Variants in UNC13C observed in about 807,000 individuals in gnomAD.
UNC13C encodes the protein protein unc-13 homolog C.
A neutral mutation model predicts 245.4 loss-of-function variants in UNC13C; 174 were observed. The observed-to-expected ratio is 0.71, with a 90% CI of 0.63 to 0.80. The LOEUF is 0.80. UNC13C is among the 30% of genes least tolerant of loss of function. The pLI is 0.00. For missense variants in UNC13C, 2,829 were observed against 2,602.9 expected, an observed-to-expected ratio of 1.09 and a Z score of -1.89; for synonymous variants, 992 against 895.1, an observed-to-expected ratio of 1.11 and a Z score of -1.93.
At chr15:54,142,670 T>C (rs914724037) in intron 2 of UNC13C, among the ~76,000 whole-genome samples, 3 of 152,184 alleles carry the variant, frequency 2.0e-5, no homozygotes, top group African/African-American at 4.8e-5. Flanking sequence ...GGCTCTTGAC[T>C]CCAAAGAGTT....
chr15:54,551,448 C>A (rs1447412604), intron 28 of UNC13C, among the ~76,000 whole-genome samples: 1 of 152,038 alleles, frequency 6.6e-6, no homozygotes, highest in Admixed American at 6.6e-5. Context: ...GGTTTGGGTA[C>A]AACCCAATCC....
chr15:54,495,644 T>C (rs1168315895), intron 20 of UNC13C, among the ~76,000 whole-genome samples: 1 of 152,048 alleles, frequency 6.6e-6, no homozygotes, highest in Non-Finnish European at 1.5e-5. Context: ...CATATTTCCA[T>C]TTTTATAAAA....
chr15:54,470,585 AAT>A (rs1280062888), intron 19 of UNC13C, among the ~76,000 whole-genome samples: 3 of 148,216 alleles, frequency 2.0e-5, no homozygotes, highest in African/African-American at 7.5e-5. Flanking sequence ...TATCAGCTGT[AAT>A]ATCTCTTTTT....
intron 2 of UNC13C, among the ~76,000 whole-genome samples, chr15:54,075,469 AGCTTGCAGTGAGCCGG>A (rs1163843182): frequency 0.026 from 3,578 of 139,554 alleles, 250 homozygotes; most frequent in African/African-American, 0.082. Flanking sequence ...AGTGAGCCGG[AGCTTGCAGTGAGCCGG>A]AGCTTGCAGT....
At chr15:54,145,523 G>A (rs2032216888) in intron 4 of UNC13C, among the ~76,000 whole-genome samples, 1 of 152,046 alleles carries the variant, frequency 6.6e-6, no homozygotes, top group Non-Finnish European at 1.5e-5. Flanking sequence ...AAGCAGCTGT[G>A]GTGAAAGATC....
intron 4 of UNC13C, among the ~76,000 whole-genome samples, chr15:54,222,781 A>AT: frequency 6.6e-6 from 1 of 151,966 alleles, no homozygotes; most frequent in South Asian, 2.1e-4. Flanking sequence ...GATAAAAGCC[A>AT]TTTTTTACTG....
At chr15:54,598,608 G>T (rs58408360) in intron 30 of UNC13C, among the ~76,000 whole-genome samples, 5,368 of 152,264 alleles carry the variant, frequency 0.035, 302 homozygotes, top group African/African-American at 0.12. Flanking sequence ...AATGCAATTT[G>T]TATTGATTTA....
At chr15:54,184,050 A>G (rs1390829225) in intron 4 of UNC13C, among the ~76,000 whole-genome samples, 2 of 152,068 alleles carry the variant, frequency 1.3e-5, no homozygotes, top group African/African-American at 4.8e-5. Flanking sequence ...TTTGTTTAGC[A>G]TTATAATTTC....
At chr15:53,903,374 G>A in the UNC13C span, among the ~76,000 whole-genome samples, 291 of 152,288 alleles carry the variant, frequency 1.9e-3, 2 homozygotes, top group African/African-American at 6.1e-3. Context: ...AATGTCATTT[G>A]AAATATTTCA....
rs1462794534 is a variant in UNC13C at position 54,013,459 on chromosome 15, A to C, written c.556A>C (p.Lys186Gln). Residue 186 changes from lysine (K) to glutamine (Q), a missense_variant, in exon 2 of 33, where the codon AAA (lysine) becomes CAA (glutamine). Physicochemically the swap from Lys to Gln is moderately conservative, Grantham distance 53. Coordinates refer to ENST00000260323, the MANE Select transcript of UNC13C (RefSeq NM_001080534.3). ...ACTGGGAGCTTTACGAAAACTGAGAAAATGGAAAAAGAGTCAAGAATGTGT... is the reference window on the plus strand; with the variant it reads ...ACTGGGAGCTTTACGAAAACTGAGACAATGGAAAAAGAGTCAAGAATGTGT... ...LKLGALRKLR[K>Q]WKKSQECVSS... 9 of 1,613,784 alleles carry C rather than the reference A, an allele frequency of 5.6e-6. No individual in the cohort carries two copies. Among genetic ancestry groups the C allele is most frequent in the Non-Finnish European group, 7.6e-6 (9 of 1,179,876 alleles).
chr15:54,483,320 T>G lies in UNC13C; in HGVS notation c.4934-11288T>G, dbSNP rs148284418. Among the ~76,000 whole-genome samples, 760 of 152,288 alleles carry G rather than the reference T, an allele frequency of 5.0e-3. 7 individuals carry two copies. The highest frequency in any genetic ancestry group is 5.7e-3 in the Non-Finnish European group (387 of 68,014). ...CATTATATTCATCTGAATGCTTATA[T>G]TCACCTGAATGCTTATTCCAGACTT... is the stretch of plus-strand genomic sequence containing the variant. On this transcript the variant is annotated intron_variant, in intron 19 of 32. Transcript: ENST00000260323.
intron 13 of UNC13C, among the ~76,000 whole-genome samples, chr15:54,314,454 T>TA (rs397798643): frequency 6.6e-6 from 1 of 150,988 alleles, no homozygotes; most frequent in African/African-American, 2.4e-5. Context: ...GAATTTTTTT[T>TA]ATAAAGAGAG....
At chr15:54,500,021 TG>T in intron 20 of UNC13C, 57 bp from the exon 21 acceptor site, 1 of 1,252,282 alleles carries the variant, frequency 8.0e-7, no homozygotes, top group African/African-American at 1.5e-5. Context: ...GCAGCATTCC[TG>T]TTAATTTTAT....
intron 19 of UNC13C, among the ~76,000 whole-genome samples, chr15:54,481,378 G>A (rs1389188184): frequency 6.6e-6 from 1 of 151,994 alleles, no homozygotes; most frequent in Non-Finnish European, 1.5e-5. Context: ...AACACACTTG[G>A]GTGCAGACTG....
At chr15:54,255,567 G>C (rs1271467623) in intron 8 of UNC13C, among the ~76,000 whole-genome samples, 2 of 152,178 alleles carry the variant, frequency 1.3e-5, no homozygotes, top group Non-Finnish European at 2.9e-5. Context: ...CCAGCCGCCT[G>C]TGTGTTCCTC....
chr15:54,572,993 A>T (rs1022206445), intron 30 of UNC13C, among the ~76,000 whole-genome samples: 1 of 151,968 alleles, frequency 6.6e-6, no homozygotes, highest in African/African-American at 2.4e-5. Context: ...AAAAGTAACT[A>T]TTGCATTTAA....
rs531609480 is a variant in UNC13C at position 54,048,409 on chromosome 15, A to G, written c.2983+32523A>G. On this transcript the variant is annotated intron_variant, in intron 2 of 32. Coordinates refer to ENST00000260323, the MANE Select transcript of UNC13C (RefSeq NM_001080534.3). Reference sequence around the variant, plus strand: ...TGTTTTGTATTTTGCAGCCAATTCCAGTGCCCTTTTCAGTTGTAGAGATTA... The same window carrying G: ...TGTTTTGTATTTTGCAGCCAATTCCGGTGCCCTTTTCAGTTGTAGAGATTA... Among the ~76,000 whole-genome samples the G allele has an allele frequency of 7.9e-5, 12 of 152,360 alleles. No homozygotes were observed. In the South Asian group the frequency reaches 1.9e-3, roughly 24 times the overall value.
At chr15:54,038,132 T>A (rs1896667566) in intron 2 of UNC13C, among the ~76,000 whole-genome samples, 1 of 112,582 alleles carries the variant, frequency 8.9e-6, no homozygotes, top group South Asian at 3.6e-4. Context: ...ATATTTTTTT[T>A]TTTTTTTTCC....
intron 4 of UNC13C, among the ~76,000 whole-genome samples, chr15:54,149,198 C>T (rs1257893449): frequency 6.6e-6 from 1 of 152,202 alleles, no homozygotes; most frequent in African/African-American, 2.4e-5. Context: ...TCTCCCCAGA[C>T]ATGCAAAACT....
Sources: gnomAD v4.1 joint callset for allele counts (sites outside exome capture counted in the v4.1 genomes callset) on GRCh38, gnomAD v4.1.1 for gene constraint, MANE v1.5 for transcripts, NCBI Gene and HGNC (gene_info 2026-07-23, HGNC 2026-07-21) for gene names.